The following THEM6 variants were observed in gnomAD, a reference collection of about 807,000 sequenced individuals.
THEM6 encodes protein THEM6.
THEM6 carries 10 observed loss-of-function variants against 13.7 expected under a neutral mutation model. The ratio of observed to expected loss-of-function variants is 0.73; its 90% confidence interval spans 0.45 to 1.24. The LOEUF is 1.24. Among genes scored for constraint, THEM6 ranks in the 50% most tolerant of loss-of-function variants. THEM6 has a pLI of 0.00. For missense variants in THEM6, 317 were observed against 312.6 expected (o/e 1.01, Z -0.11); for synonymous variants, 161 against 156.0 (o/e 1.03, Z -0.24).
chr8:142,728,835 A>G lies in THEM6; in HGVS notation c.513+976A>G, dbSNP rs141231634. Among the ~76,000 whole-genome samples, 14 of 152,280 alleles carry G rather than the reference A, an allele frequency of 9.2e-5. No homozygotes were observed. The East Asian group carries it at 2.7e-3, about 29-fold the overall frequency. On this transcript the variant is annotated intron_variant, in intron 1 of 1. Coordinates refer to ENST00000336138, the MANE Select transcript of THEM6 (RefSeq NM_016647.3). ...GGAGGAACGCGTCCACCCTAGGTGCAATGCTTGTATATATGGGGAGATGTG... is the reference window on the plus strand; with the variant it reads ...GGAGGAACGCGTCCACCCTAGGTGCGATGCTTGTATATATGGGGAGATGTG...
intron 1 of THEM6, among the ~76,000 whole-genome samples, chr8:142,730,578 A>T (rs1554642844): frequency 6.6e-6 from 1 of 152,108 alleles, no homozygotes; most frequent in Non-Finnish European, 1.5e-5. Context: ...GCCCCTGTGC[A>T]CTGTGGCCTT....
rs1428013852 is a variant in THEM6, at chr8:142,727,323, G to A, written c.-24G>A. The A allele has an allele frequency of 4.0e-6, 6 of 1,495,174 alleles. No individual in the cohort carries two copies. The highest frequency in any genetic ancestry group is 1.3e-5 in the South Asian group (1 of 79,510). The allele number at this position is 1,495,174 out of a possible 1,614,324, so 92.6% of individuals were successfully genotyped here. On this transcript the variant is annotated 5_prime_UTR_variant, in exon 1 of 2. Transcript: ENST00000336138. ...GGCACCGGCGCCACGGACTCCGCAGGACCCCGCGCCCGCCGCCGCCGCTAT... is the reference window on the plus strand; with the variant it reads ...GGCACCGGCGCCACGGACTCCGCAGAACCCCGCGCCCGCCGCCGCCGCTAT...
chr8:142,732,795 A>G (rs1026359983), intron 1 of THEM6, among the ~76,000 whole-genome samples: 2 of 147,738 alleles, frequency 1.4e-5, no homozygotes, highest in Non-Finnish European at 3.0e-5. Context: ...CCCTGAGGCC[A>G]CTGCAGTGAG....
chr8:142,736,698 GGCCCTGT>G lies in THEM6; in HGVS notation c.*1264_*1270del, dbSNP rs1317785537. On this transcript the variant is annotated 3_prime_UTR_variant, in exon 2 of 2. Transcript: ENST00000336138. Reference sequence around the variant, plus strand: ...CAGGGGTCACTGCTTGTCAGCTCAGGGCCCTGTGCCCGCTTGCCTGTTCCCCTACATC... The same window carrying G: ...CAGGGGTCACTGCTTGTCAGCTCAGGGCCCGCTTGCCTGTTCCCCTACATC... The G allele has an allele frequency of 1.3e-5, 2 of 152,284 alleles. No individual in the cohort carries two copies. The highest frequency in any genetic ancestry group is 4.8e-5 in the African/African-American group (2 of 41,450). The allele number at this position is 152,284 out of a possible 1,614,324, so 9.4% of individuals were successfully genotyped here. A position where few individuals can be genotyped will look rare whatever the true frequency, so the allele number is the denominator to read the frequency against.
chr8:142,732,620 C>G (rs992478773), intron 1 of THEM6, among the ~76,000 whole-genome samples: 2 of 152,156 alleles, frequency 1.3e-5, no homozygotes, highest in Non-Finnish European at 2.9e-5. Flanking sequence ...AAGTACTTTA[C>G]CAGCTTCTGT....
Position 142,735,633 on chromosome 8 carries a change from G to A in THEM6, c.*194G>A. On this transcript the variant is annotated 3_prime_UTR_variant, in exon 2 of 2. Transcript: ENST00000336138. ...GGCTCCACGCTAGGCAGAAGGAGGA[G>A]TGGCATTGGCATCCTGACCCAGCTC... 1 of 578,900 alleles carries A rather than the reference G, an allele frequency of 1.7e-6. No individual in the cohort carries two copies. Among genetic ancestry groups the A allele is most frequent in the Non-Finnish European group, 3.1e-6 (1 of 320,510 alleles). 35.9% of individuals were successfully genotyped at this position (578,900 alleles called of 1,614,324 possible).
intron 1 of THEM6, among the ~76,000 whole-genome samples, chr8:142,731,409 CTG>C (rs1160392715): frequency 5.9e-5 from 9 of 151,934 alleles, no homozygotes; most frequent in Admixed American, 1.3e-4. Context: ...TGTATATAAA[CTG>C]TTTTTTTTTA....
chr8:142,731,955 C>T (rs782365946), intron 1 of THEM6, among the ~76,000 whole-genome samples: 6 of 151,752 alleles, frequency 4.0e-5, no homozygotes, highest in African/African-American at 9.7e-5. Context: ...CTCTTCCTGG[C>T]GCCGCTGTGC....
chr8:142,727,441 T>TGC lies in THEM6; in HGVS notation c.104_105dup (p.Leu36AlafsTer11). ...CTGGTGCGCCTTCCGTGCGCCGTGC[T>TGC]GCGCGCGCGCCTGCTGCAGCCGCGC... On this transcript the variant is annotated frameshift_variant, in exon 1 of 2. Transcript: ENST00000336138. LOFTEE classifies it high-confidence loss of function. The TGC allele has an allele frequency of 6.4e-7, 1 of 1,553,906 alleles. No homozygotes were observed. The highest frequency in any genetic ancestry group is 2.4e-5 in the East Asian group (1 of 40,982).
chr8:142,729,428 G>T (rs1254751115), intron 1 of THEM6, among the ~76,000 whole-genome samples: 6 of 151,996 alleles, frequency 3.9e-5, no homozygotes, highest in African/African-American at 1.2e-4. Flanking sequence ...TTTAAAGTGC[G>T]AACGGAATAT....
At position 142,733,433 on chromosome 8, in the gene THEM6, C is replaced by T. The variant is rs587660017; in HGVS notation, c.514-1893C>T. On this transcript the variant is annotated intron_variant, in intron 1 of 1. Coordinates refer to ENST00000336138, the MANE Select transcript of THEM6 (RefSeq NM_016647.3). ...AGTTACTATTTATTCCTAATTAGAT[C>T]GGTAGGAAAGTCTTTGAAGAGGAAC... 1.1e-3 allele frequency among the ~76,000 whole-genome samples: 166 copies of T among 152,296 alleles called. 3 individuals are homozygous for T. Among genetic ancestry groups the T allele is most frequent in the African/African-American group, 3.6e-3 (150 of 41,554 alleles).
intron 1 of THEM6, among the ~76,000 whole-genome samples, chr8:142,730,367 G>C (rs1347655698): frequency 2.0e-5 from 3 of 152,180 alleles, no homozygotes; most frequent in African/African-American, 4.8e-5. Context: ...GGAAATTCTA[G>C]GGGTGGTACC....
In THEM6 at chr8:142,727,599, T is replaced by C; in HGVS notation, c.253T>C (p.Cys85Arg). The C allele has an allele frequency of 6.6e-7, 1 of 1,513,808 alleles. No individual in the cohort carries two copies. The highest frequency in any genetic ancestry group is 8.8e-7 in the Non-Finnish European group (1 of 1,138,492). The allele number at this position is 1,513,808 out of a possible 1,614,324, so 93.8% of individuals were successfully genotyped here. Residue 85 changes from cysteine (C) to arginine (R), a missense_variant, in exon 1 of 2, where the codon TGC becomes CGC. Cys to Arg is a radical substitution (Grantham distance 180, BLOSUM62 -3). Coordinates refer to ENST00000336138, the MANE Select transcript of THEM6 (RefSeq NM_016647.3). The part of the protein sequence containing the change: ...DFARVAHLTR[C>R]GVLGALRELR... Reference sequence around the variant, plus strand: ...TGCGCGCGTCGCGCACCTGACCCGCTGCGGGGTGCTCGGGGCGCTGAGGGA... The same window carrying C: ...TGCGCGCGTCGCGCACCTGACCCGCCGCGGGGTGCTCGGGGCGCTGAGGGA...
chr8:142,727,277 G>C lies in THEM6; in HGVS notation c.-70G>C. 2.2e-6 allele frequency: 3 copies of C among 1,380,330 alleles called. No homozygotes were observed. The highest frequency in any genetic ancestry group is 2.8e-6 in the Non-Finnish European group (3 of 1,070,916). The allele number at this position is 1,380,330 out of a possible 1,614,324, so 85.5% of individuals were successfully genotyped here. A position where few individuals can be genotyped will look rare whatever the true frequency, so the allele number is the denominator to read the frequency against. ...GTTCCCAGGAGGCCTGGCGGGCACC[G>C]TAACCAGCGCCGCGGACACCGGCAC... On this transcript the variant is annotated 5_prime_UTR_variant, in exon 1 of 2. Transcript: ENST00000336138.
chr8:142,731,766 C>T (rs1190484726), intron 1 of THEM6, among the ~76,000 whole-genome samples: 3 of 152,190 alleles, frequency 2.0e-5, no homozygotes, highest in Admixed American at 6.5e-5. Context: ...CATGCACTGC[C>T]GTCAGTTTCT....
At chr8:142,727,908 C>T (rs1815547142) in intron 1 of THEM6, 49 bp downstream of exon 1, 2 of 1,372,174 alleles carry the variant, frequency 1.5e-6, no homozygotes, top group Admixed American at 3.9e-5. Flanking sequence ...TGTGGGACCT[C>T]CGGGGGCTCC....
chr8:142,727,658 C>A lies in THEM6; in HGVS notation c.312C>A (p.Cys104Ter). 1 of 1,437,932 alleles carries A rather than the reference C, an allele frequency of 7.0e-7. No individual in the cohort carries two copies. The highest frequency in any genetic ancestry group is 1.5e-5 in the African/African-American group (1 of 66,880). The allele number at this position is 1,437,932 out of a possible 1,614,324, so 89.1% of individuals were successfully genotyped here. ...CGCACACGGTGCTGGCGGCCTCGTG[C>A]GCGCGCCACCGCCGCTCGCTGCGCC... ...LRAHTVLAAS[C>*]ARHRRSLRLL... Residue 104 changes from cysteine to a stop codon, truncating the protein, a stop_gained, in exon 1 of 2, where the codon TGC becomes TGA. Transcript: ENST00000336138. LOFTEE classifies it high-confidence loss of function.
chr8:142,729,947 G>C (rs1815606703), intron 1 of THEM6, among the ~76,000 whole-genome samples: 2 of 152,222 alleles, frequency 1.3e-5, no homozygotes, highest in Non-Finnish European at 2.9e-5. Context: ...GGGTAACCAT[G>C]TCCATCAGAG....
intron 1 of THEM6, among the ~76,000 whole-genome samples, chr8:142,731,208 C>T (rs1554642909): frequency 6.6e-6 from 1 of 152,140 alleles, no homozygotes; most frequent in Non-Finnish European, 1.5e-5. Flanking sequence ...CACAGAAAAA[C>T]TGCATGATAC....
Sources: allele counts gnomAD v4.1 joint callset (sites outside exome capture counted in the v4.1 genomes callset), GRCh38; gene constraint gnomAD v4.1.1; transcripts MANE v1.5; gene names NCBI Gene and HGNC (gene_info 2026-07-23, HGNC 2026-07-21).